CNTNAP2: variants seen among roughly 807,000 people sequenced by gnomAD.
CNTNAP2 encodes contactin associated protein 2.
Under a neutral mutation model 155.2 loss-of-function variants are expected in CNTNAP2, and 98 were observed. That is an observed-to-expected ratio of 0.63 (90% CI 0.54 to 0.75). The LOEUF (loss-of-function observed/expected upper bound fraction) is 0.75, where lower values mean the gene tolerates loss of function less well. CNTNAP2 is among the 30% of genes least tolerant of loss of function. CNTNAP2 has a pLI of 0.00. For synonymous variants in CNTNAP2, 651 were observed against 631.2 expected (o/e 1.03, Z -0.47); for missense variants, 1,727 against 1,688.1 (o/e 1.02, Z -0.40).
intron 13 of CNTNAP2, among the ~76,000 whole-genome samples, chr7:147,732,938 T>C (rs1418545341): frequency 6.6e-6 from 1 of 152,226 alleles, no homozygotes; most frequent in Non-Finnish European, 1.5e-5. Context: ...ATATTAACCC[T>C]TTGTCAGATG....
chr7:148,288,605 T>A (rs974599106), intron 21 of CNTNAP2, among the ~76,000 whole-genome samples: 94 of 152,212 alleles, frequency 6.2e-4, no homozygotes, highest in Admixed American at 3.9e-4. Context: ...TTAAATTAAA[T>A]AATAGAGTAG....
intron 8 of CNTNAP2, among the ~76,000 whole-genome samples, chr7:147,216,798 C>A (rs1211751390): frequency 6.6e-6 from 1 of 152,008 alleles, no homozygotes; most frequent in African/African-American, 2.4e-5. Context: ...AATATTGAGT[C>A]ATCCTTTCCT....
intron 4 of CNTNAP2, among the ~76,000 whole-genome samples, chr7:147,048,167 C>T (rs531413982): frequency 7.3e-5 from 11 of 150,150 alleles, no homozygotes; most frequent in East Asian, 2.0e-4. Context: ...CTCTGCCTCC[C>T]GGGTTCACGC....
At chr7:147,820,808 A>C (rs1235203123) in intron 13 of CNTNAP2, among the ~76,000 whole-genome samples, 2 of 152,124 alleles carry the variant, frequency 1.3e-5, no homozygotes, top group Non-Finnish European at 2.9e-5. Context: ...TTTGTTAAAG[A>C]TGAATTGACC....
chr7:147,981,214 T>C (rs1801523531), intron 15 of CNTNAP2, among the ~76,000 whole-genome samples: 1 of 152,238 alleles, frequency 6.6e-6, no homozygotes, highest in Non-Finnish European at 1.5e-5. Context: ...TAGCTGTGTC[T>C]GTACAAGGTC....
At position 147,805,902 on chromosome 7, in the gene CNTNAP2, A is replaced by G. The variant is rs75783539; in HGVS notation, c.2099-97663A>G. On this transcript the variant is annotated intron_variant, in intron 13 of 23. Coordinates refer to ENST00000361727, the MANE Select transcript of CNTNAP2 (RefSeq NM_014141.6). ...GACCTGAAACTATGAAACTAGTAAA[A>G]GAAAACATTGGGGGAAATGCTTCAG... 5.0e-3 allele frequency among the ~76,000 whole-genome samples: 765 copies of G among 152,334 alleles called. 4 individuals carry two copies. The highest frequency in any genetic ancestry group is 0.017 in the African/African-American group (722 of 41,568).
At chr7:146,808,310 A>G (rs1803004250) in intron 2 of CNTNAP2, among the ~76,000 whole-genome samples, 1 of 152,210 alleles carries the variant, frequency 6.6e-6, no homozygotes, top group Non-Finnish European at 1.5e-5. Flanking sequence ...GCAATATAAC[A>G]AGATGCTGTG....
At chr7:148,185,567 G>T (rs1173650504) in intron 18 of CNTNAP2, among the ~76,000 whole-genome samples, 1 of 152,188 alleles carries the variant, frequency 6.6e-6, no homozygotes, top group African/African-American at 2.4e-5. Context: ...TCAGATGAAT[G>T]AGTCCAGATT....
intron 1 of CNTNAP2, among the ~76,000 whole-genome samples, chr7:146,186,923 G>A (rs928601426): frequency 2.6e-5 from 4 of 152,076 alleles, no homozygotes; most frequent in Non-Finnish European, 5.9e-5. Context: ...CAAGAACCTA[G>A]TAAATATTAA....
At chr7:147,975,050 G>C (rs114256645) in intron 14 of CNTNAP2, among the ~76,000 whole-genome samples, 1 of 148,528 alleles carries the variant, frequency 6.7e-6, no homozygotes. Context: ...TTTGTATTAC[G>C]TATAATACAA....
intron 8 of CNTNAP2, among the ~76,000 whole-genome samples, chr7:147,203,196 G>A (rs1019322260): frequency 6.6e-6 from 1 of 152,026 alleles, no homozygotes; most frequent in Non-Finnish European, 1.5e-5. Flanking sequence ...ACTCATTTCT[G>A]ATTAAAATTT....
intron 15 of CNTNAP2, among the ~76,000 whole-genome samples, chr7:148,066,655 A>G (rs1281904657): frequency 1.3e-5 from 2 of 151,038 alleles, no homozygotes; most frequent in African/African-American, 2.4e-5. Flanking sequence ...CCACCACCAC[A>G]CCCAGCTAAT....
intron 1 of CNTNAP2, among the ~76,000 whole-genome samples, chr7:146,169,985 G>C (rs1798365476): frequency 6.6e-6 from 1 of 150,830 alleles, no homozygotes; most frequent in Admixed American, 6.6e-5. Flanking sequence ...ATACCCAAAA[G>C]TGGGATTGCT....
intron 4 of CNTNAP2, chr7:147,085,917 A>T (rs1223451090): frequency 6.6e-6 from 1 of 152,214 alleles, no homozygotes; most frequent in Non-Finnish European, 1.5e-5. Context: ...TAGCTAAGAC[A>T]CGCACACGAA....
At chr7:147,290,014 A>G (rs1805266047) in intron 8 of CNTNAP2, among the ~76,000 whole-genome samples, 1 of 152,214 alleles carries the variant, frequency 6.6e-6, no homozygotes, top group African/African-American at 2.4e-5. Context: ...CGTTCTCATT[A>G]GTCAATATAT....
At chr7:146,744,731 A>G (rs1801780669) in intron 1 of CNTNAP2, among the ~76,000 whole-genome samples, 1 of 152,146 alleles carries the variant, frequency 6.6e-6, no homozygotes, top group African/African-American at 2.4e-5. Context: ...GTGGTGGTAA[A>G]TGTTTCTAGA....
At chr7:146,502,878 G>A (rs190084258) in intron 1 of CNTNAP2, among the ~76,000 whole-genome samples, 15 of 152,162 alleles carry the variant, frequency 9.9e-5, no homozygotes, top group African/African-American at 2.9e-4. Context: ...GCCTACCAAA[G>A]TGCTGGGATT....
intron 1 of CNTNAP2, among the ~76,000 whole-genome samples, chr7:146,119,315 CACA>C (rs1431512502): frequency 6.6e-6 from 1 of 152,082 alleles, no homozygotes; most frequent in Non-Finnish European, 1.5e-5. Flanking sequence ...ATGTTTATTT[CACA>C]ACAACTGCAT....
chr7:147,075,449 C>T (rs1286191954), intron 4 of CNTNAP2, among the ~76,000 whole-genome samples: 4 of 152,012 alleles, frequency 2.6e-5, no homozygotes, highest in Non-Finnish European at 5.9e-5. Flanking sequence ...CTAGCTCTAC[C>T]CAGCACGAAA....
Sources: gnomAD v4.1 joint callset for allele counts (sites outside exome capture counted in the v4.1 genomes callset) on GRCh38, gnomAD v4.1.1 for gene constraint, MANE v1.5 for transcripts, NCBI Gene and HGNC (gene_info 2026-07-23, HGNC 2026-07-21) for gene names.